RNF10: variants seen among roughly 807,000 people sequenced by gnomAD.
RNF10 encodes ring finger protein 10, also known as E3 ubiquitin-protein ligase RNF10.
Under a neutral mutation model 91.4 loss-of-function variants are expected in RNF10, and 38 were observed. That is an observed-to-expected ratio of 0.42 (90% confidence interval 0.32 to 0.54). The LOEUF (loss-of-function observed/expected upper bound fraction) is 0.54. Among genes scored for constraint, RNF10 ranks in the 20% least tolerant of loss-of-function variants. The pLI is 0.16. For missense variants in RNF10, 945 were observed against 1,012.0 expected, an observed-to-expected ratio of 0.93 and a Z score of 0.90; for synonymous variants, 364 against 366.3, an observed-to-expected ratio of 0.99 and a Z score of 0.07.
chr12:120,562,944 G>T lies in RNF10; in HGVS notation c.1129-1G>T. 1 of 1,613,984 alleles carries T rather than the reference G, an allele frequency of 6.2e-7. No homozygotes were observed. Among genetic ancestry groups the T allele is most frequent in the South Asian group, 1.1e-5 (1 of 91,044 alleles). On this transcript the variant is annotated splice_acceptor_variant, in intron 7 of 16. Transcript: ENST00000325954. LOFTEE classifies it high-confidence loss of function. ...TCTGGTGTTCTCTCTGGCCACGTTA[G>T]ACTCGGGAAGAGGCTCTGTCGGGAT... is the stretch of plus-strand genomic sequence containing the variant.
Position 120,546,272 on chromosome 12 carries a change from C to G in RNF10, c.158-133C>G, listed in dbSNP as rs527639830. ...TTGTCTTGCTCAAAGCACTCATGCT[C>G]TGGCCCAAACCCAGATTCCTGAAGG... On this transcript the variant is annotated intron_variant, in intron 1 of 16. Transcript: ENST00000325954. The G allele has an allele frequency of 1.9e-5, 14 of 722,904 alleles. No homozygotes were observed. The African/African-American group carries it at 2.3e-4, about 12-fold the overall frequency. The allele number at this position is 722,904 out of a possible 1,614,324, so 44.8% of individuals were successfully genotyped here. A position where few individuals can be genotyped will look rare whatever the true frequency, so the allele number is the denominator to read the frequency against.
chr12:120,553,070 T>G (rs1593073819), intron 3 of RNF10, among the ~76,000 whole-genome samples: 3 of 4,612 alleles, frequency 6.5e-4, no homozygotes, highest in African/African-American at 8.4e-4. Context: ...TTTTTTTTTT[T>G]TTTTTTTTTT....
intron 1 of RNF10, among the ~76,000 whole-genome samples, chr12:120,537,406 C>A (rs1171482126): frequency 6.6e-6 from 1 of 152,158 alleles, no homozygotes; most frequent in Non-Finnish European, 1.5e-5. Flanking sequence ...GCAGGTGGAT[C>A]ATCTGAGTTC....
At position 120,534,892 on chromosome 12, in the gene RNF10, T is replaced by C. The variant is rs1870503555; in HGVS notation, c.81T>C (p.Ser27=). Residue 27 remains serine (S), a synonymous_variant, in exon 1 of 17, where the codon TCT becomes TCC. Coordinates refer to ENST00000325954, the MANE Select transcript of RNF10 (RefSeq NM_014868.5). The part of the protein sequence containing the change: ...KNSGSNSSSA[S]SGSSKGQQPP... ...GCGGCTCCAACAGCTCCTCCGCCTC[T>C]TCGGGCAGCAGCAAAGGGCAACAGC... is the stretch of plus-strand genomic sequence containing the variant. 4 of 1,608,228 alleles carry C rather than the reference T, an allele frequency of 2.5e-6. No individual in the cohort carries two copies. Among genetic ancestry groups the C allele is most frequent in the Non-Finnish European group, 3.4e-6 (4 of 1,179,582 alleles).
At position 120,547,519 on chromosome 12, in the gene RNF10, C is replaced by T. The variant is rs1025999468; in HGVS notation, c.354+918C>T. The stretch of plus-strand genomic sequence containing the variant: ...ATGTTGTCTAGGCTGCTCTTGAACT[C>T]CTGGCCTTAAGCAATCCTCTCATCT... On this transcript the variant is annotated intron_variant, in intron 2 of 16. Coordinates refer to ENST00000325954, the MANE Select transcript of RNF10 (RefSeq NM_014868.5). Among the ~76,000 whole-genome samples the T allele has an allele frequency of 2.0e-5, 3 of 152,154 alleles. No homozygotes were observed. The East Asian group carries it at 5.8e-4, about 29-fold the overall frequency.
intron 1 of RNF10, chr12:120,535,278 G>A: frequency 3.9e-6 from 1 of 259,202 alleles, no homozygotes; most frequent in Non-Finnish European, 7.3e-6. Flanking sequence ...TTAAGACTTG[G>A]TTTGTGTGAC....
intron 1 of RNF10, among the ~76,000 whole-genome samples, chr12:120,544,980 T>C (rs1872096907): frequency 6.6e-6 from 1 of 152,208 alleles, no homozygotes; most frequent in African/African-American, 2.4e-5. Flanking sequence ...ATAAAAATGC[T>C]CACAGAGTAG....
At chr12:120,560,633 C>T in intron 6 of RNF10, 93 bp from the exon 7 acceptor site, 1 of 1,251,834 alleles carries the variant, frequency 8.0e-7, no homozygotes, top group Non-Finnish European at 1.1e-6. Flanking sequence ...ATTTTCACCC[C>T]AGAGAAAAGG....
In RNF10 at chr12:120,577,408, C is replaced by T. The variant is rs1478576346; in HGVS notation, c.*742C>T. The T allele has an allele frequency of 3.1e-6, 1 of 323,598 alleles. No individual in the cohort carries two copies. Among genetic ancestry groups the T allele is most frequent in the East Asian group, 1.1e-4 (1 of 9,312 alleles). The allele number at this position is 323,598 out of a possible 1,614,324, so 20.0% of individuals were successfully genotyped here. A position where few individuals can be genotyped will look rare whatever the true frequency, so the allele number is the denominator to read the frequency against. ...TAGGAGGAGGAGTCTGGTACAGCTG[C>T]AGGAGAGCAGGGCCATCTGAAGCGG... is the stretch of plus-strand genomic sequence containing the variant. On this transcript the variant is annotated 3_prime_UTR_variant, in exon 17 of 17. Coordinates refer to ENST00000325954, the MANE Select transcript of RNF10 (RefSeq NM_014868.5).
intron 1 of RNF10, among the ~76,000 whole-genome samples, chr12:120,544,357 A>C (rs78445606): frequency 8.0e-5 from 3 of 37,338 alleles, no homozygotes; most frequent in Non-Finnish European, 1.2e-4. Context: ...CCAACTCTAC[A>C]AAAAAAAAAA....
intron 2 of RNF10, among the ~76,000 whole-genome samples, chr12:120,551,499 A>G (rs1052342564): frequency 2.0e-5 from 3 of 150,724 alleles, no homozygotes; most frequent in Non-Finnish European, 4.4e-5. Flanking sequence ...GGGTTTCACC[A>G]TATTGCCCAG....
intron 6 of RNF10, among the ~76,000 whole-genome samples, chr12:120,559,938 C>G (rs138042413): frequency 1.7e-3 from 264 of 151,998 alleles, no homozygotes; most frequent in African/African-American, 5.7e-3. Flanking sequence ...TTCAGGTGAT[C>G]CACCTGCCTC....
intron 1 of RNF10, among the ~76,000 whole-genome samples, chr12:120,537,013 T>C (rs1294605175): frequency 4.6e-5 from 7 of 152,228 alleles, no homozygotes; most frequent in Non-Finnish European, 2.9e-5. Context: ...TACAGAATTC[T>C]ATAGTAGTTT....
Position 120,572,876 on chromosome 12 carries a change from C to T in RNF10, c.2142+1585C>T, listed in dbSNP as rs538577395. On this transcript the variant is annotated intron_variant, in intron 14 of 16. Transcript: ENST00000325954. ...TCAGCCTCCCAAAGTGCTGGGATTA[C>T]AGACATGAACCACTGCGCCTGGCCT... Among the ~76,000 whole-genome samples the T allele has an allele frequency of 3.4e-5, 5 of 147,138 alleles. No homozygotes were observed. The South Asian group carries it at 8.6e-4, about 25-fold the overall frequency.
chr12:120,557,121 G>A, intron 4 of RNF10, among the ~76,000 whole-genome samples, 161 bp from the exon 5 acceptor site: 1 of 151,180 alleles, frequency 6.6e-6, no homozygotes, highest in Admixed American at 6.6e-5. Flanking sequence ...GATCATACAT[G>A]TACCTACGTT....
At chr12:120,550,685 C>T (rs1872917781) in intron 2 of RNF10, among the ~76,000 whole-genome samples, 2 of 151,690 alleles carry the variant, frequency 1.3e-5, no homozygotes, top group South Asian at 4.2e-4. Flanking sequence ...CCAGCTCTGC[C>T]TCCTGGATTC....
chr12:120,549,178 G>A (rs1872699307), intron 2 of RNF10, among the ~76,000 whole-genome samples: 1 of 152,104 alleles, frequency 6.6e-6, no homozygotes, highest in Admixed American at 6.6e-5. Context: ...GATGGAGGTG[G>A]GTTCGGAGGT....
Position 120,555,810 on chromosome 12 carries a change from A to G in RNF10, c.645+1002A>G, listed in dbSNP as rs1336178402. Reference sequence around the variant, plus strand: ...CGTACCTGGCCTCTTTTTTTTTTTGAGACAGTCTTGCTCTGTCGCCCCAGC... The same window carrying G: ...CGTACCTGGCCTCTTTTTTTTTTTGGGACAGTCTTGCTCTGTCGCCCCAGC... On this transcript the variant is annotated intron_variant, in intron 4 of 16. Transcript: ENST00000325954. Among the ~76,000 whole-genome samples, 7 of 147,560 alleles carry G rather than the reference A, an allele frequency of 4.7e-5. 1 individual carries two copies. The highest frequency in any genetic ancestry group is 1.8e-4 in the African/African-American group (7 of 39,708).
In RNF10 at chr12:120,565,079, G is replaced by A. The variant is rs1205237013; in HGVS notation, c.1673G>A (p.Arg558Gln). The stretch of plus-strand genomic sequence containing the variant: ...GTCCTTTTTCCAATGTAGGATGTTC[G>A]ACAGCGTCACAGATATCTCTCTCAC... ...IAGYSMSEDV[R>Q]QRHRYLSHLP... The change falls in exon 11 of 17, where the codon CGA (arginine) becomes CAA (glutamine). Residue 558 changes from arginine to glutamine, a missense_variant. By Grantham distance (43) the Arg-to-Gln change is conservative (BLOSUM62 1). Transcript: ENST00000325954. The A allele has an allele frequency of 1.9e-6, 3 of 1,612,584 alleles. No individual in the cohort carries two copies.
Sources: gnomAD v4.1 joint callset for allele counts (sites outside exome capture counted in the v4.1 genomes callset) on GRCh38, gnomAD v4.1.1 for gene constraint, MANE v1.5 for transcripts, NCBI Gene and HGNC (gene_info 2026-07-23, HGNC 2026-07-21) for gene names.